Variants in NPY2R observed in about 807,000 individuals in gnomAD.
The protein encoded by NPY2R is neuropeptide Y receptor Y2.
A neutral mutation model predicts 22.3 loss-of-function variants in NPY2R; 17 were observed. The ratio of observed to expected loss-of-function variants is 0.76; its 90% CI spans 0.52 to 1.14. The LOEUF (loss-of-function observed/expected upper bound fraction) is 1.14, where lower values mean the gene tolerates loss of function less well. Ranked by LOEUF, NPY2R falls within the 50% of genes most tolerant of loss-of-function variation. NPY2R has a pLI of 0.00. For synonymous variants in NPY2R, 209 were observed against 183.4 expected, an observed-to-expected ratio of 1.14 and a Z score of -1.13; for missense variants, 424 against 467.9, an observed-to-expected ratio of 0.91 and a Z score of 0.87.
chr4:155,176,249 C>T, the NPY2R span, among the ~76,000 whole-genome samples: 1 of 152,104 alleles, frequency 6.6e-6, no homozygotes, highest in African/African-American at 2.4e-5. Context: ...CCTATTAAAG[C>T]CTTGTCTCAG....
At chr4:155,186,581 A>G in the NPY2R span, among the ~76,000 whole-genome samples, 1 of 152,134 alleles carries the variant, frequency 6.6e-6, no homozygotes, top group African/African-American at 2.4e-5. Flanking sequence ...ACGCTTGCTA[A>G]TTTTTTGTGT....
the NPY2R span, among the ~76,000 whole-genome samples, chr4:155,202,526 A>G: frequency 6.6e-6 from 1 of 152,144 alleles, no homozygotes; most frequent in Non-Finnish European, 1.5e-5. Context: ...AAAATCGTAT[A>G]TGGATTTTAT....
the NPY2R span, among the ~76,000 whole-genome samples, chr4:155,202,394 G>A: frequency 6.6e-6 from 1 of 152,116 alleles, no homozygotes; most frequent in Non-Finnish European, 1.5e-5. Flanking sequence ...TTATTTAAAA[G>A]CCTGTGTACC....
the NPY2R span, among the ~76,000 whole-genome samples, chr4:155,175,331 A>G: frequency 6.6e-6 from 1 of 152,178 alleles, no homozygotes; most frequent in South Asian, 2.1e-4. Context: ...GCATGTATTT[A>G]AAGTTTTTAA....
chr4:155,176,138 C>T, the NPY2R span, among the ~76,000 whole-genome samples: 1 of 152,146 alleles, frequency 6.6e-6, no homozygotes, highest in Non-Finnish European at 1.5e-5. Context: ...CTTCCTTACC[C>T]CTCTCTAATT....
At chr4:155,208,219 A>T (rs1279124238), upstream of NPY2R, 1 of 152,178 alleles carries the variant, frequency 6.6e-6, no homozygotes, top group Non-Finnish European at 1.5e-5. This position sits in a 1 kb window ranked among gnomAD's most constrained non-coding sequence, Gnocchi z 5.6. Context: ...GAAGTTGTGG[A>T]ATTTTCTCAG....
At chr4:155,180,614 C>T in the NPY2R span, among the ~76,000 whole-genome samples, 5 of 151,790 alleles carry the variant, frequency 3.3e-5, no homozygotes, top group African/African-American at 9.7e-5. Context: ...TTCTAATATT[C>T]CAGGGAAAAA....
chr4:155,213,847 G>GT, intron 1 of NPY2R, 45 bp from the exon 2 acceptor site: 1 of 1,066,550 alleles, frequency 9.4e-7, no homozygotes, highest in Non-Finnish European at 1.5e-6. Flanking sequence ...CGTTCCATTG[G>GT]TTTTTGTTGT....
chr4:155,191,651 A>ATC, the NPY2R span, among the ~76,000 whole-genome samples: 1 of 151,880 alleles, frequency 6.6e-6, no homozygotes, highest in Non-Finnish European at 1.5e-5. Flanking sequence ...ACCCTTATTC[A>ATC]TCTTTCAAAT....
At chr4:155,174,462 T>TTATATATATA in the NPY2R span, among the ~76,000 whole-genome samples, 5 of 116,674 alleles carry the variant, frequency 4.3e-5, no homozygotes, top group African/African-American at 2.2e-4. Flanking sequence ...TGGCTAAGCT[T>TTATATATATA]TATATATATA....
chr4:155,213,782 C>A (rs1422855095), intron 1 of NPY2R, 110 bp from the exon 2 acceptor site: 1 of 669,276 alleles, frequency 1.5e-6, no homozygotes, highest in Non-Finnish European at 2.6e-6. Flanking sequence ...GATCCCTAAC[C>A]AAAATTAAAC....
In NPY2R at chr4:155,215,103, A is replaced by C. The variant is rs370964405; in HGVS notation, c.*18A>C. The C allele has an allele frequency of 1.9e-6, 3 of 1,607,078 alleles. No homozygotes were observed. Among genetic ancestry groups the C allele is most frequent in the Non-Finnish European group, 2.6e-6 (3 of 1,175,072 alleles). On this transcript the variant is annotated 3_prime_UTR_variant, in exon 2 of 2. Coordinates refer to ENST00000329476, the MANE Select transcript of NPY2R (RefSeq NM_000910.4). ...ATGTCTAAGGAAGCTGTGGTGTGAA[A>C]ATGTATGGATGAATTCTGACCAGAG...
At chr4:155,200,329 T>C in the NPY2R span, among the ~76,000 whole-genome samples, 1 of 152,096 alleles carries the variant, frequency 6.6e-6, no homozygotes, top group African/African-American at 2.4e-5. Context: ...TCAGTCAGAA[T>C]GGTGATTATT....
chr4:155,174,484 A>ATATATGTATATT, the NPY2R span, among the ~76,000 whole-genome samples: 344 of 106,074 alleles, frequency 3.2e-3, 12 homozygotes, highest in African/African-American at 0.014. Context: ...ATATATATAT[A>ATATATGTATATT]TTTTTTTTTT....
chr4:155,193,147 A>G, the NPY2R span, among the ~76,000 whole-genome samples: 1 of 151,872 alleles, frequency 6.6e-6, no homozygotes, highest in Admixed American at 6.6e-5. Flanking sequence ...TTGAGAGCTT[A>G]CTCTGAGCCA....
the NPY2R span, among the ~76,000 whole-genome samples, chr4:155,174,484 A>ATATTTT: frequency 7.5e-3 from 792 of 106,020 alleles, 8 homozygotes; most frequent in African/African-American, 0.015. Flanking sequence ...ATATATATAT[A>ATATTTT]TTTTTTTTTT....
upstream of NPY2R, among the ~76,000 whole-genome samples, chr4:155,204,875 C>T (rs772307491): frequency 9.9e-4 from 104 of 104,588 alleles, no homozygotes; most frequent in Middle Eastern, 9.6e-3. Flanking sequence ...GGGCGGGGGG[C>T]GGGGAGAGCA....
the NPY2R span, among the ~76,000 whole-genome samples, chr4:155,198,110 T>C: frequency 6.6e-6 from 1 of 152,016 alleles, no homozygotes. Context: ...CTGTACTTTG[T>C]GCAGTGCCTA....
rs1729492393 is a variant in NPY2R, at chr4:155,215,258, A to G, written c.*173A>G. On this transcript the variant is annotated 3_prime_UTR_variant, in exon 2 of 2. Transcript: ENST00000329476. The stretch of plus-strand genomic sequence containing the variant: ...GGCTGGGCAGAGCCTGTGTGAAAAT[A>G]CTGGAATTCAAAGATAAGGCAACAA... 2.8e-6 allele frequency: 2 copies of G among 716,122 alleles called. No individual in the cohort carries two copies. Among genetic ancestry groups the G allele is most frequent in the African/African-American group, 3.5e-5 (2 of 56,348 alleles). 44.4% of individuals were successfully genotyped at this position (716,122 alleles called of 1,614,324 possible). A position where few individuals can be genotyped will look rare whatever the true frequency, so the allele number is the denominator to read the frequency against.
Sources: gnomAD v4.1 joint callset for allele counts (sites outside exome capture counted in the v4.1 genomes callset) on GRCh38, gnomAD v4.1.1 for gene constraint, Gnocchi (gnomAD v3.1) non-coding constraint, MANE v1.5 for transcripts, NCBI Gene and HGNC (gene_info 2026-07-23, HGNC 2026-07-21) for gene names.